The following BLTP1 variants were observed in gnomAD, a reference collection of about 807,000 sequenced individuals.
BLTP1 encodes the protein bridge-like lipid transfer protein family member 1, also known as fragile site-associated protein.
the BLTP1 span, chr4:122,269,485 ATG>A: frequency 1.0e-6 from 1 of 985,228 alleles, no homozygotes; most frequent in Non-Finnish European, 1.2e-6. Context: ...GCCAGCTCCG[ATG>A]CTCCACATTC....
chr4:122,281,405 T>C, the BLTP1 span: 1 of 1,352,824 alleles, frequency 7.4e-7, no homozygotes, highest in Non-Finnish European at 9.5e-7. Context: ...CTGAATATGA[T>C]CTGATATTGG....
At chr4:122,352,875 A>G in the BLTP1 span, 1 of 1,610,766 alleles carries the variant, frequency 6.2e-7, no homozygotes, top group Non-Finnish European at 8.5e-7. Context: ...TAGGCACTTC[A>G]GGATATGTGT....
chr4:122,226,758 C>T, the BLTP1 span: 9 of 1,613,090 alleles, frequency 5.6e-6, no homozygotes, highest in Non-Finnish European at 6.8e-6. Flanking sequence ...TGTGGTATGT[C>T]GGGAGTATGA....
the BLTP1 span, chr4:122,250,533 C>A: frequency 1.2e-6 from 2 of 1,613,590 alleles, no homozygotes; most frequent in Non-Finnish European, 1.7e-6. Context: ...CGGACAAGCC[C>A]TTCCTCAGAC....
chr4:122,244,911 C>T, the BLTP1 span: 1 of 1,298,706 alleles, frequency 7.7e-7, no homozygotes, highest in Non-Finnish European at 1.1e-6. Context: ...CAATGTTGAG[C>T]AATTGTTGTA....
the BLTP1 span, chr4:122,229,143 G>A: frequency 6.2e-7 from 1 of 1,604,662 alleles, no homozygotes; most frequent in Non-Finnish European, 8.5e-7. Flanking sequence ...CCTGGGCCTT[G>A]TCCAACTTCA....
the BLTP1 span, among the ~76,000 whole-genome samples, chr4:122,320,121 T>C: frequency 6.6e-6 from 1 of 152,140 alleles, no homozygotes; most frequent in Admixed American, 6.6e-5. Context: ...GCATTTCTCT[T>C]AGTTTGGGCC....
the BLTP1 span, chr4:122,188,883 A>G: frequency 5.6e-6 from 5 of 896,642 alleles, no homozygotes; most frequent in Non-Finnish European, 6.7e-6. Context: ...TTTAGTTGTA[A>G]CTCTTGGCTG....
chr4:122,293,237 A>T, the BLTP1 span: 3 of 925,660 alleles, frequency 3.2e-6, no homozygotes, highest in African/African-American at 1.8e-5. Flanking sequence ...TTGACACAAA[A>T]GTAGGACGGT....
At chr4:122,229,093 T>A in the BLTP1 span, 8 of 1,550,596 alleles carry the variant, frequency 5.2e-6, no homozygotes, top group South Asian at 2.5e-5. Context: ...TGGTGATGAT[T>A]TAGATGTACA....
chr4:122,297,461 G>A, the BLTP1 span, among the ~76,000 whole-genome samples: 2 of 152,092 alleles, frequency 1.3e-5, no homozygotes, highest in African/African-American at 2.4e-5. Flanking sequence ...TGGTGGGAGC[G>A]TAAATTAGTT....
At chr4:122,336,371 A>G in the BLTP1 span, 2 of 1,506,122 alleles carry the variant, frequency 1.3e-6, no homozygotes, top group African/African-American at 2.8e-5. Flanking sequence ...TCCTTCTTAT[A>G]TACCTCCCCA....
At chr4:122,245,336 A>G in the BLTP1 span, among the ~76,000 whole-genome samples, 1 of 152,164 alleles carries the variant, frequency 6.6e-6, no homozygotes, top group Non-Finnish European at 1.5e-5. Context: ...AAAAATATTT[A>G]TTTAAAAAAT....
chr4:122,155,009 T>C, the BLTP1 span: 5 of 810,958 alleles, frequency 6.2e-6, no homozygotes, highest in Non-Finnish European at 7.5e-6. Flanking sequence ...CAAAGGTGAT[T>C]AAGAAGCAGT....
chr4:122,304,882 CT>C, the BLTP1 span: 1 of 1,613,972 alleles, frequency 6.2e-7, no homozygotes, highest in Non-Finnish European at 8.5e-7. Flanking sequence ...TTCTAACCGA[CT>C]TCAAACCAAA....
At chr4:122,249,383 A>G in the BLTP1 span, 1 of 1,505,876 alleles carries the variant, frequency 6.6e-7, no homozygotes, top group Non-Finnish European at 8.9e-7. Flanking sequence ...GCACTAAGAT[A>G]TCTTTTAAAG....
chr4:122,261,073 T>C, the BLTP1 span, among the ~76,000 whole-genome samples: 8 of 152,186 alleles, frequency 5.3e-5, no homozygotes, highest in African/African-American at 1.9e-4. Context: ...ATCCAGTATA[T>C]TGGAACACAG....
chr4:122,207,709 C>A, the BLTP1 span: 2 of 1,281,244 alleles, frequency 1.6e-6, no homozygotes, highest in South Asian at 1.3e-5. Context: ...AGCTTATCTT[C>A]ACTCTCTTCT....
the BLTP1 span, among the ~76,000 whole-genome samples, chr4:122,318,939 T>C: frequency 1.3e-5 from 2 of 152,290 alleles, no homozygotes; most frequent in South Asian, 4.1e-4. Context: ...GATTGTCTTT[T>C]TCGTCTCTCC....
Sources: allele counts gnomAD v4.1 joint callset (sites outside exome capture counted in the v4.1 genomes callset), GRCh38; gene constraint gnomAD v4.1.1; transcripts MANE v1.5; gene names NCBI Gene and HGNC (gene_info 2026-07-23, HGNC 2026-07-21).